VEPH1: variants seen among roughly 807,000 people sequenced by gnomAD.
The protein encoded by VEPH1 is ventricular zone expressed PH domain containing 1, also known as ventricular zone-expressed PH domain-containing protein homolog 1.
VEPH1 carries 80 observed loss-of-function variants against 85.2 expected under a neutral mutation model. The ratio of observed to expected loss-of-function variants is 0.94; its 90% confidence interval spans 0.78 to 1.13. The LOEUF (loss-of-function observed/expected upper bound fraction) is 1.13, where lower values mean the gene tolerates loss of function less well. Ranked by LOEUF, VEPH1 falls within the 50% of genes most tolerant of loss-of-function variation. The pLI is 0.00. For missense variants in VEPH1, 955 were observed against 980.5 expected, an observed-to-expected ratio of 0.97 and a Z score of 0.35; for synonymous variants, 297 against 348.0, an observed-to-expected ratio of 0.85 and a Z score of 1.63.
intron 7 of VEPH1, among the ~76,000 whole-genome samples, chr3:157,376,195 G>C (rs923763523): frequency 6.6e-6 from 1 of 151,996 alleles, no homozygotes; most frequent in African/African-American, 2.4e-5. Flanking sequence ...ATCCCTCAAA[G>C]TTTCCATCCC....
chr3:157,305,371 A>C (rs965362798), intron 11 of VEPH1, among the ~76,000 whole-genome samples: 1 of 151,906 alleles, frequency 6.6e-6, no homozygotes, highest in African/African-American at 2.4e-5. Context: ...CGGCCTCCCA[A>C]AGTGCTGGGA....
At chr3:157,286,361 C>G in intron 12 of VEPH1, 196 bp downstream of exon 12, 1 of 613,792 alleles carries the variant, frequency 1.6e-6, no homozygotes, top group Non-Finnish European at 2.9e-6. Flanking sequence ...TGTTTCTCTG[C>G]CTCCCAAAGT....
intron 9 of VEPH1, among the ~76,000 whole-genome samples, chr3:157,352,757 G>C (rs1055933318): frequency 5.9e-5 from 9 of 152,206 alleles, no homozygotes; most frequent in Admixed American, 5.2e-4. Context: ...TCTGCCATAA[G>C]ACACTAGGGA....
At chr3:157,448,211 T>A (rs904061836) in intron 4 of VEPH1, among the ~76,000 whole-genome samples, 2 of 152,178 alleles carry the variant, frequency 1.3e-5, no homozygotes, top group African/African-American at 2.4e-5. Flanking sequence ...GAATTTATCA[T>A]AATTAACTAG....
intron 2 of VEPH1, among the ~76,000 whole-genome samples, chr3:157,492,165 G>T (rs1445555600): frequency 1.3e-4 from 20 of 152,156 alleles, no homozygotes; most frequent in Admixed American, 1.3e-3. Context: ...AGGTGAGTTA[G>T]ATGTAATCTC....
intron 9 of VEPH1, among the ~76,000 whole-genome samples, chr3:157,330,854 A>G (rs1455635583): frequency 6.6e-6 from 1 of 152,170 alleles, no homozygotes; most frequent in Non-Finnish European, 1.5e-5. Flanking sequence ...AACAGGCTGG[A>G]AATAGTCTGG....
chr3:157,293,521 A>G (rs972331495), intron 11 of VEPH1, among the ~76,000 whole-genome samples: 12 of 152,208 alleles, frequency 7.9e-5, no homozygotes, highest in Admixed American at 7.2e-4. Context: ...AGAAAACACT[A>G]TGTTTGATTC....
At chr3:157,311,768 G>T (rs1033661266) in intron 11 of VEPH1, among the ~76,000 whole-genome samples, 1 of 152,076 alleles carries the variant, frequency 6.6e-6, no homozygotes, top group Non-Finnish European at 1.5e-5. Flanking sequence ...GTTGCCTCTA[G>T]TTAAAATACA....
At chr3:157,444,032 T>A (rs1191852036) in intron 4 of VEPH1, among the ~76,000 whole-genome samples, 1 of 152,184 alleles carries the variant, frequency 6.6e-6, no homozygotes, top group Non-Finnish European at 1.5e-5. Flanking sequence ...ACTCCTGCCC[T>A]GAAAGCACAC....
At chr3:157,370,837 C>A (rs1317993455) in intron 7 of VEPH1, among the ~76,000 whole-genome samples, 1 of 152,160 alleles carries the variant, frequency 6.6e-6, no homozygotes, top group Non-Finnish European at 1.5e-5. Flanking sequence ...TGAACAGAAT[C>A]TTATGGGGAA....
At chr3:157,356,362 T>C (rs557973258) in intron 9 of VEPH1, among the ~76,000 whole-genome samples, 77 of 152,364 alleles carry the variant, frequency 5.1e-4, no homozygotes, top group Middle Eastern at 3.4e-3. Flanking sequence ...AAGTAGACTC[T>C]GTCAGCTTTG....
intron 3 of VEPH1, among the ~76,000 whole-genome samples, chr3:157,468,958 G>A (rs972520534): frequency 5.3e-5 from 8 of 152,188 alleles, no homozygotes; most frequent in Admixed American, 6.5e-5. Context: ...ATTTCTATTC[G>A]ATAGTGCTGC....
chr3:157,293,258 T>C (rs1717745167), intron 11 of VEPH1, among the ~76,000 whole-genome samples: 1 of 152,184 alleles, frequency 6.6e-6, no homozygotes, highest in Non-Finnish European at 1.5e-5. Flanking sequence ...GGACTCATAG[T>C]GCATTTCAGT....
chr3:157,460,082 A>G, intron 4 of VEPH1, 99 bp downstream of exon 4: 1 of 1,610,574 alleles, frequency 6.2e-7, no homozygotes, highest in East Asian at 2.2e-5. Flanking sequence ...TTTGCTTCTA[A>G]TACTCTAGGT....
At chr3:157,474,360 A>AT (rs1560093582) in intron 2 of VEPH1, among the ~76,000 whole-genome samples, 2 of 151,880 alleles carry the variant, frequency 1.3e-5, no homozygotes, top group Admixed American at 1.3e-4. Context: ...TCTGGCATGA[A>AT]TTTTTTCTTA....
rs552736696 is a variant in VEPH1 at position 157,497,841 on chromosome 3, A to T, written c.-157-2335T>A. Reference sequence around the variant, plus strand: ...AACATTGCTTTGGGCCCTAAACAGAAACATCAAGTTGTTTAACACACAGCC... The same window carrying T: ...AACATTGCTTTGGGCCCTAAACAGATACATCAAGTTGTTTAACACACAGCC... On this transcript the variant is annotated intron_variant, in intron 1 of 13. Coordinates refer to ENST00000362010, the MANE Select transcript of VEPH1 (RefSeq NM_001167912.2). 2.6e-5 allele frequency among the ~76,000 whole-genome samples: 4 copies of T among 152,336 alleles called. No individual in the cohort carries two copies. The East Asian group carries it at 7.7e-4, about 29-fold the overall frequency.
chr3:157,503,153 C>T (rs139665326), intron 1 of VEPH1, 124 bp downstream of exon 1: 3 of 152,310 alleles, frequency 2.0e-5, no homozygotes, highest in African/African-American at 7.2e-5. Context: ...ATCAGCCAGC[C>T]CCTGGAAGTT....
chr3:157,337,366 A>G (rs1204681691), intron 9 of VEPH1, among the ~76,000 whole-genome samples: 1 of 152,170 alleles, frequency 6.6e-6, no homozygotes, highest in Non-Finnish European at 1.5e-5. Context: ...AAAATTTTGT[A>G]GCAAAGGCAG....
At chr3:157,323,517 TG>T (rs1267604204) in intron 9 of VEPH1, among the ~76,000 whole-genome samples, 3 of 152,210 alleles carry the variant, frequency 2.0e-5, no homozygotes, top group African/African-American at 7.2e-5. Flanking sequence ...TTGAGAAATA[TG>T]TGTTCCCTTT....
Sources: allele counts gnomAD v4.1 joint callset (sites outside exome capture counted in the v4.1 genomes callset), GRCh38; gene constraint gnomAD v4.1.1; transcripts MANE v1.5; gene names NCBI Gene and HGNC (gene_info 2026-07-23, HGNC 2026-07-21).